The following CNTNAP2 variants were observed in gnomAD, a reference collection of about 807,000 sequenced individuals.
CNTNAP2 encodes contactin-associated protein-like 2.
In CNTNAP2, 98 loss-of-function variants were observed where a neutral mutation model predicts 155.2. The ratio of observed to expected loss-of-function variants is 0.63; its 90% CI spans 0.54 to 0.75. The LOEUF (loss-of-function observed/expected upper bound fraction) is 0.75. CNTNAP2 is among the 30% of genes least tolerant of loss of function. CNTNAP2 has a pLI of 0.00. For synonymous variants in CNTNAP2, 651 were observed against 631.2 expected, an observed-to-expected ratio of 1.03 and a Z score of -0.47; for missense variants, 1,727 against 1,688.1, an observed-to-expected ratio of 1.02 and a Z score of -0.40.
intron 1 of CNTNAP2, among the ~76,000 whole-genome samples, chr7:146,232,694 C>G (rs764030195): frequency 2.6e-5 from 4 of 152,144 alleles, no homozygotes; most frequent in Non-Finnish European, 5.9e-5. Context: ...ACCCTATACA[C>G]TTATTCATTC....
chr7:147,452,353 G>T (rs991115859), intron 10 of CNTNAP2, among the ~76,000 whole-genome samples: 2 of 152,046 alleles, frequency 1.3e-5, no homozygotes, highest in Non-Finnish European at 2.9e-5. Context: ...GTATAATCAG[G>T]TTCACAGTTT....
chr7:147,781,794 C>T (rs748697515), intron 13 of CNTNAP2, among the ~76,000 whole-genome samples: 2 of 152,222 alleles, frequency 1.3e-5, no homozygotes, highest in East Asian at 1.9e-4. Context: ...GAGGCTGAGG[C>T]GGGCGGATCA....
At chr7:146,263,696 G>T (rs1382000927) in intron 1 of CNTNAP2, among the ~76,000 whole-genome samples, 1 of 152,168 alleles carries the variant, frequency 6.6e-6, no homozygotes, top group Non-Finnish European at 1.5e-5. Flanking sequence ...TCTGGAATGA[G>T]ATCAGGGATA....
At chr7:147,936,301 T>TTTA (rs1491178404) in intron 14 of CNTNAP2, among the ~76,000 whole-genome samples, 4 of 39,346 alleles carry the variant, frequency 1.0e-4, no homozygotes, top group South Asian at 2.0e-3. Flanking sequence ...ATTTATTTTA[T>TTTA]TTTTTTTTTT....
At chr7:148,135,569 C>T (rs1426001300) in intron 16 of CNTNAP2, among the ~76,000 whole-genome samples, 1 of 151,982 alleles carries the variant, frequency 6.6e-6, no homozygotes, top group Non-Finnish European at 1.5e-5. Flanking sequence ...GGAAGACAGG[C>T]CGGGTGCGGT....
chr7:147,652,211 A>G, intron 13 of CNTNAP2, among the ~76,000 whole-genome samples: 1 of 152,220 alleles, frequency 6.6e-6, no homozygotes, highest in East Asian at 1.9e-4. Flanking sequence ...ACAATTTACC[A>G]ACACCAGTGG....
intron 16 of CNTNAP2, among the ~76,000 whole-genome samples, chr7:148,121,912 C>G (rs1431487000): frequency 6.6e-6 from 1 of 152,088 alleles, no homozygotes; most frequent in Non-Finnish European, 1.5e-5. Context: ...TCTACTATGT[C>G]CCAGGTACAG....
intron 10 of CNTNAP2, among the ~76,000 whole-genome samples, chr7:147,452,098 A>G (rs1797843011): frequency 6.6e-6 from 1 of 152,244 alleles, no homozygotes; most frequent in South Asian, 2.1e-4. Context: ...AAGATAGTGT[A>G]TAATTCATGG....
chr7:148,397,728 T>G (rs1799499613), intron 22 of CNTNAP2, among the ~76,000 whole-genome samples: 1 of 152,240 alleles, frequency 6.6e-6, no homozygotes, highest in African/African-American at 2.4e-5. Context: ...ATGCCAGGAC[T>G]TTATCACGCT....
At chr7:146,284,139 T>C (rs1409805264) in intron 1 of CNTNAP2, among the ~76,000 whole-genome samples, 1 of 152,206 alleles carries the variant, frequency 6.6e-6, no homozygotes, top group East Asian at 1.9e-4. Context: ...GATGATTAGC[T>C]AGTGTTCGTT....
chr7:147,970,877 A>G (rs1451621050), intron 14 of CNTNAP2, among the ~76,000 whole-genome samples: 1 of 152,180 alleles, frequency 6.6e-6, no homozygotes, highest in East Asian at 1.9e-4. Context: ...CTAAATAAGG[A>G]ATGAAGGAGA....
At chr7:146,271,097 T>C (rs1449058693) in intron 1 of CNTNAP2, among the ~76,000 whole-genome samples, 1 of 152,252 alleles carries the variant, frequency 6.6e-6, no homozygotes, top group South Asian at 2.1e-4. Context: ...TTTCTCAGAA[T>C]GTGTTGTCCT....
chr7:147,736,695 A>G (rs1054528177), intron 13 of CNTNAP2, among the ~76,000 whole-genome samples: 12 of 152,126 alleles, frequency 7.9e-5, no homozygotes, highest in African/African-American at 2.7e-4. Flanking sequence ...ACATAGTGCC[A>G]TATTTCTTGG....
At chr7:147,186,539 C>T (rs183732817) in intron 8 of CNTNAP2, among the ~76,000 whole-genome samples, 26 of 152,232 alleles carry the variant, frequency 1.7e-4, no homozygotes, top group African/African-American at 5.5e-4. Context: ...CACTGTCTTT[C>T]TCCATTTGGA....
At chr7:146,117,118 C>A (rs1797495684) in intron 1 of CNTNAP2, 145 bp downstream of exon 1, 2 of 692,984 alleles carry the variant, frequency 2.9e-6, no homozygotes, top group Non-Finnish European at 5.0e-6. Flanking sequence ...GCAGCCACTG[C>A]AGTAGACAAA....
rs528277722 is a variant in CNTNAP2, at chr7:147,314,653, A to T, written c.1498+14363A>T. ...CTTCAAAAAGTCAGCAATAAAAAAAAAAATCCTTTAATATCTTTGGAACTT... is the reference window on the plus strand; with the variant it reads ...CTTCAAAAAGTCAGCAATAAAAAAATAAATCCTTTAATATCTTTGGAACTT... On this transcript the variant is annotated intron_variant, in intron 9 of 23. Coordinates refer to ENST00000361727, the MANE Select transcript of CNTNAP2 (RefSeq NM_014141.6). Among the ~76,000 whole-genome samples, 2 of 151,236 alleles carry T rather than the reference A, an allele frequency of 1.3e-5. 1 individual carries two copies. The highest frequency in any genetic ancestry group is 3.0e-5 in the Non-Finnish European group (2 of 67,606).
chr7:146,668,421 A>G (rs556365554), intron 1 of CNTNAP2, among the ~76,000 whole-genome samples: 2 of 132,224 alleles, frequency 1.5e-5, no homozygotes, highest in South Asian at 5.1e-4. Flanking sequence ...ATTGGCCTGT[A>G]ATTTTCCTGT....
intron 13 of CNTNAP2, among the ~76,000 whole-genome samples, chr7:147,786,185 A>G (rs1211214454): frequency 6.6e-6 from 1 of 152,202 alleles, no homozygotes; most frequent in Non-Finnish European, 1.5e-5. Flanking sequence ...AGGCAGAAGA[A>G]TCACTTGAAC....
chr7:146,387,089 G>A (rs2129105923), intron 1 of CNTNAP2, among the ~76,000 whole-genome samples: 1 of 152,246 alleles, frequency 6.6e-6, no homozygotes, highest in Admixed American at 6.5e-5. Context: ...GCCTCGTTTA[G>A]GAAAACAGAA....
Sources: allele counts gnomAD v4.1 joint callset (sites outside exome capture counted in the v4.1 genomes callset), GRCh38; gene constraint gnomAD v4.1.1; transcripts MANE v1.5; gene names NCBI Gene and HGNC (gene_info 2026-07-23, HGNC 2026-07-21).